Variants in OTUD7A observed in about 807,000 individuals in gnomAD.
OTUD7A encodes the protein OTU domain-containing protein 7A.
A neutral mutation model predicts 65.7 loss-of-function variants in OTUD7A; 12 were observed. The observed-to-expected ratio is 0.18, with a 90% CI of 0.12 to 0.30. The LOEUF is 0.30. Among genes scored for constraint, OTUD7A ranks in the 10% least tolerant of loss-of-function variants. OTUD7A has a pLI of 1.00. For missense variants in OTUD7A, 1,148 were observed against 1,304.8 expected (o/e 0.88, Z 1.85); for synonymous variants, 641 against 586.3 (o/e 1.09, Z -1.35).
intron 1 of OTUD7A, among the ~76,000 whole-genome samples, chr15:31,840,881 T>C (rs1264364738): frequency 6.6e-6 from 1 of 152,218 alleles, no homozygotes; most frequent in Non-Finnish European, 1.5e-5. Flanking sequence ...CTACTGAGGA[T>C]ACAATCTACT....
intron 3 of OTUD7A, chr15:31,649,585 T>C (rs1891775615): frequency 5.3e-6 from 1 of 187,278 alleles, no homozygotes; most frequent in African/African-American, 2.3e-5. Context: ...AAATATTTCA[T>C]TCTTTGAAAC....
At chr15:31,665,945 T>C (rs1892307278) in intron 1 of OTUD7A, among the ~76,000 whole-genome samples, 1 of 152,216 alleles carries the variant, frequency 6.6e-6, no homozygotes, top group African/African-American at 2.4e-5. Context: ...TCTGTTTGTG[T>C]GGTACATTGC....
In OTUD7A at chr15:31,855,499, G is replaced by A. The variant is rs1185823310; in HGVS notation, c.-100+15008C>T. ...ACTATACAATGAACTCCAGACAACC[G>A]AAAAACAAATCGAAAAAAAAATCCT... On this transcript the variant is annotated intron_variant, in intron 1 of 12. Transcript: ENST00000307050. Among the ~76,000 whole-genome samples the A allele has an allele frequency of 3.3e-5, 5 of 151,584 alleles. No homozygotes were observed. In the East Asian group the frequency reaches 5.8e-4, roughly 18 times the overall value.
At chr15:31,767,758 A>G in intron 1 of OTUD7A, 1 of 711,346 alleles carries the variant, frequency 1.4e-6, no homozygotes, top group Non-Finnish European at 2.6e-6. Flanking sequence ...AATGTAATCC[A>G]TGCTTTTCAG....
chr15:31,654,645 C>CTATGGT (rs2141277313), intron 3 of OTUD7A, among the ~76,000 whole-genome samples: 1 of 152,272 alleles, frequency 6.6e-6, no homozygotes, highest in East Asian at 1.9e-4. Flanking sequence ...TTTTAGTTCA[C>CTATGGT]TATGGTTATG....
At chr15:31,561,784 TCACACA>T (rs3075495) in intron 4 of OTUD7A, among the ~76,000 whole-genome samples, 1 of 150,424 alleles carries the variant, frequency 6.6e-6, no homozygotes, top group Non-Finnish European at 1.5e-5. Context: ...ACACACAGAG[TCACACA>T]CACACACACA....
intron 1 of OTUD7A, among the ~76,000 whole-genome samples, chr15:31,841,040 C>G (rs1382027929): frequency 1.3e-5 from 2 of 152,284 alleles, no homozygotes; most frequent in Non-Finnish European, 2.9e-5. Context: ...TGCCAAGCAA[C>G]AGAAGAGCCT....
chr15:31,499,258 G>A (rs940980563), intron 10 of OTUD7A, among the ~76,000 whole-genome samples: 2 of 152,178 alleles, frequency 1.3e-5, no homozygotes, highest in Non-Finnish European at 2.9e-5. Context: ...TCTTCCTGGG[G>A]CTTGTGATTA....
intron 3 of OTUD7A, among the ~76,000 whole-genome samples, chr15:31,617,020 G>C (rs191323387): frequency 2.0e-5 from 3 of 152,044 alleles, no homozygotes; most frequent in Admixed American, 6.5e-5. Context: ...AATAAAGAAG[G>C]AAAAAAGGAG....
At chr15:31,761,676 T>C (rs1894967951) in intron 1 of OTUD7A, among the ~76,000 whole-genome samples, 1 of 152,180 alleles carries the variant, frequency 6.6e-6, no homozygotes, top group Non-Finnish European at 1.5e-5. Context: ...CCTAGGTATA[T>C]ACCAAAGAGA....
intron 3 of OTUD7A, among the ~76,000 whole-genome samples, chr15:31,619,809 A>T (rs1347341931): frequency 7.2e-5 from 11 of 152,332 alleles, no homozygotes; most frequent in Middle Eastern, 6.8e-3. Context: ...ACTATGTTGA[A>T]TAGGAATGGT....
intron 1 of OTUD7A, among the ~76,000 whole-genome samples, chr15:31,827,708 C>G (rs930454293): frequency 2.6e-5 from 4 of 152,174 alleles, no homozygotes; most frequent in Non-Finnish European, 5.9e-5. Context: ...GGGTGGATCA[C>G]TTGAGGCGAG....
At chr15:31,634,719 G>C (rs1422998559) in intron 3 of OTUD7A, among the ~76,000 whole-genome samples, 1 of 152,256 alleles carries the variant, frequency 6.6e-6, no homozygotes, top group Non-Finnish European at 1.5e-5. Flanking sequence ...CAGCGATGGA[G>C]TCCCGTTCCC....
chr15:31,802,918 C>T (rs1259998062), intron 1 of OTUD7A, among the ~76,000 whole-genome samples: 1 of 152,120 alleles, frequency 6.6e-6, no homozygotes, highest in Non-Finnish European at 1.5e-5. Context: ...TTGTCAGGCT[C>T]CACAGTGACG....
At chr15:31,595,026 C>T (rs573112392) in intron 3 of OTUD7A, among the ~76,000 whole-genome samples, 1 of 152,214 alleles carries the variant, frequency 6.6e-6, no homozygotes, top group Non-Finnish European at 1.5e-5. Context: ...AGGCACCAAA[C>T]AGTTCCCTAA....
chr15:31,859,429 A>T (rs986551620), intron 1 of OTUD7A, among the ~76,000 whole-genome samples: 1 of 152,272 alleles, frequency 6.6e-6, no homozygotes, highest in Non-Finnish European at 1.5e-5. Context: ...TCTCATGAAC[A>T]TAAACATTTG....
intron 3 of OTUD7A, among the ~76,000 whole-genome samples, chr15:31,601,704 C>G (rs148572049): frequency 3.3e-5 from 5 of 151,506 alleles, no homozygotes; most frequent in Non-Finnish European, 7.4e-5. Context: ...CAAAATAGAC[C>G]GCTAGCCAGA....
intron 10 of OTUD7A, among the ~76,000 whole-genome samples, chr15:31,490,600 A>T (rs2041306013): frequency 6.6e-6 from 1 of 152,236 alleles, no homozygotes; most frequent in Admixed American, 6.5e-5. Flanking sequence ...AAGAAGGGCC[A>T]ATTCAGCTGG....
intron 1 of OTUD7A, among the ~76,000 whole-genome samples, chr15:31,676,247 T>C (rs2141300617): frequency 6.6e-6 from 1 of 152,232 alleles, no homozygotes; most frequent in East Asian, 1.9e-4. Context: ...TGCCCTTAAC[T>C]TCCCATCCAA....
Sources: allele counts gnomAD v4.1 joint callset (sites outside exome capture counted in the v4.1 genomes callset), GRCh38; gene constraint gnomAD v4.1.1; transcripts MANE v1.5; gene names NCBI Gene and HGNC (gene_info 2026-07-23, HGNC 2026-07-21).